Variants in SEMA3A observed in about 807,000 individuals in gnomAD.
SEMA3A encodes semaphorin 3A.
Under a neutral mutation model 97.9 loss-of-function variants are expected in SEMA3A, and 29 were observed. The ratio of observed to expected loss-of-function variants is 0.30; its 90% CI spans 0.22 to 0.40. The LOEUF (loss-of-function observed/expected upper bound fraction) is 0.40, where lower values mean the gene tolerates loss of function less well. SEMA3A is among the 10% of genes least tolerant of loss of function. The probability of loss-of-function intolerance (pLI) is 1.00; values close to 1 mark genes in which losing one functional copy is unlikely to be tolerated. For missense variants in SEMA3A, 763 were observed against 951.3 expected, an observed-to-expected ratio of 0.80 and a Z score of 2.60; for synonymous variants, 321 against 323.7, an observed-to-expected ratio of 0.99 and a Z score of 0.09.
intron 3 of SEMA3A, among the ~76,000 whole-genome samples, chr7:84,225,799 G>A (rs1584144045): frequency 6.6e-6 from 1 of 152,160 alleles, no homozygotes; most frequent in South Asian, 2.1e-4. Flanking sequence ...ATTCTAGGCA[G>A]CTAGAGTGGG....
intron 4 of SEMA3A, among the ~76,000 whole-genome samples, chr7:84,086,604 A>ATATAATAT (rs1382445049): frequency 2.1e-5 from 3 of 141,474 alleles, no homozygotes; most frequent in African/African-American, 7.9e-5. Context: ...TTATATTTAT[A>ATATAATAT]ATCCTCACAA....
intron 1 of SEMA3A, among the ~76,000 whole-genome samples, chr7:84,383,346 T>C (rs938629848): frequency 2.0e-5 from 3 of 152,060 alleles, no homozygotes; most frequent in African/African-American, 7.2e-5. Context: ...AAAATGGAGG[T>C]ATGGATTATG....
intron 3 of SEMA3A, among the ~76,000 whole-genome samples, chr7:84,115,182 A>T (rs893673754): frequency 6.6e-6 from 1 of 152,110 alleles, no homozygotes; most frequent in African/African-American, 2.4e-5. Flanking sequence ...CATATTCATA[A>T]TAATTGAACT....
At chr7:84,474,631 A>G (rs996767213) in intron 1 of SEMA3A, among the ~76,000 whole-genome samples, 1 of 152,150 alleles carries the variant, frequency 6.6e-6, no homozygotes, top group Non-Finnish European at 1.5e-5. Flanking sequence ...GAGCTGAGTT[A>G]TTACTACCTG....
chr7:84,400,257 G>A (rs751719218), intron 1 of SEMA3A, among the ~76,000 whole-genome samples: 9 of 152,182 alleles, frequency 5.9e-5, no homozygotes, highest in South Asian at 4.2e-4. Flanking sequence ...CATCAAGGAC[G>A]TCCAGGAAGA....
At chr7:84,128,342 T>G (rs140485082) in intron 3 of SEMA3A, among the ~76,000 whole-genome samples, 47 of 151,224 alleles carry the variant, frequency 3.1e-4, no homozygotes, top group African/African-American at 1.1e-3. Context: ...AGGAAAAAAA[T>G]GGGAAGAAGA....
intron 1 of SEMA3A, among the ~76,000 whole-genome samples, chr7:84,180,778 G>A (rs1360131588): frequency 6.6e-6 from 1 of 152,158 alleles, no homozygotes; most frequent in Non-Finnish European, 1.5e-5. Context: ...ATTGAAGATT[G>A]AAGGTCTGTC....
Position 84,252,296 on chromosome 7 carries a change from T to C in SEMA3A, c.-83+54911A>G, listed in dbSNP as rs181042826. 2.3e-3 allele frequency among the ~76,000 whole-genome samples: 352 copies of C among 152,288 alleles called. 2 individuals carry two copies. Among genetic ancestry groups the C allele is most frequent in the Non-Finnish European group, 4.1e-3 (281 of 68,024 alleles). On this transcript the variant is annotated intron_variant, in intron 3 of 3. Coordinates refer to the SEMA3A transcript ENST00000424555. ...CATCACATAATTTAACAGTCAGTCA[T>C]GTGGAAATAGAATTGACAGTCACTT...
At chr7:84,429,221 CCTA>C (rs1804904294) in intron 1 of SEMA3A, among the ~76,000 whole-genome samples, 1 of 151,632 alleles carries the variant, frequency 6.6e-6, no homozygotes, top group African/African-American at 2.4e-5. Context: ...TTACATTTTA[CCTA>C]CTAATATATC....
At chr7:83,985,928 G>GT (rs1344605355) in intron 12 of SEMA3A, among the ~76,000 whole-genome samples, 1 of 152,210 alleles carries the variant, frequency 6.6e-6, no homozygotes, top group Non-Finnish European at 1.5e-5. Flanking sequence ...GAAGAACAAA[G>GT]TAAGGCTAAA....
intron 1 of SEMA3A, among the ~76,000 whole-genome samples, chr7:84,478,773 A>G (rs561435292): frequency 3.3e-5 from 5 of 152,156 alleles, no homozygotes; most frequent in African/African-American, 1.2e-4. Flanking sequence ...GAAAATATCA[A>G]GCAGTCTCTA....
At chr7:84,227,904 T>TGTGC (rs1799026434) in intron 3 of SEMA3A, among the ~76,000 whole-genome samples, 1 of 151,604 alleles carries the variant, frequency 6.6e-6, no homozygotes, top group Non-Finnish European at 1.5e-5. Flanking sequence ...TGTGTGTGTG[T>TGTGC]GTGCGTGCGT....
intron 1 of SEMA3A, among the ~76,000 whole-genome samples, chr7:84,424,400 AAATAT>A (rs1321493796): frequency 7.4e-6 from 1 of 134,494 alleles, no homozygotes; most frequent in African/African-American, 2.8e-5. Flanking sequence ...ATACAATATG[AAATAT>A]AATATATAAT....
chr7:84,226,655 T>G (rs1376879621), intron 3 of SEMA3A, among the ~76,000 whole-genome samples: 2 of 152,032 alleles, frequency 1.3e-5, no homozygotes, highest in African/African-American at 4.8e-5. Flanking sequence ...ATATTCCAAT[T>G]AAAAGCCAAA....
chr7:84,388,375 T>G (rs1803454501), intron 1 of SEMA3A, among the ~76,000 whole-genome samples: 1 of 152,086 alleles, frequency 6.6e-6, no homozygotes, highest in Admixed American at 6.6e-5. Context: ...ACTCAAAGAA[T>G]TATAGGTTAA....
At chr7:84,049,337 C>T (rs755224263) in intron 5 of SEMA3A, among the ~76,000 whole-genome samples, 1 of 151,990 alleles carries the variant, frequency 6.6e-6, no homozygotes, top group Non-Finnish European at 1.5e-5. Context: ...TTGCACTGGG[C>T]CTTAGATCAG....
intron 3 of SEMA3A, among the ~76,000 whole-genome samples, chr7:84,219,522 T>C (rs928740599): frequency 8.5e-5 from 13 of 152,176 alleles, no homozygotes; most frequent in African/African-American, 2.9e-4. Context: ...AAAGTGAATA[T>C]CACAATAAAG....
intron 1 of SEMA3A, among the ~76,000 whole-genome samples, chr7:84,428,387 AAAGT>A (rs1804882299): frequency 1.3e-5 from 2 of 152,100 alleles, no homozygotes; most frequent in Non-Finnish European, 2.9e-5. Context: ...TATCGCTAAT[AAAGT>A]AATATTTCAT....
In SEMA3A at chr7:84,438,197, T is replaced by C. The variant is rs906218357; in HGVS notation, c.-246+54263A>G. Among the ~76,000 whole-genome samples the C allele has an allele frequency of 3.1e-4, 47 of 152,088 alleles. 1 individual carries two copies. Among genetic ancestry groups the C allele is most frequent in the African/African-American group, 1.1e-3 (46 of 41,438 alleles). On this transcript the variant is annotated intron_variant, in intron 1 of 3. Coordinates refer to the SEMA3A transcript ENST00000424555. ...CTGTCTGTCTACTATTGGCACAAAA[T>C]AGAAAGACCAGAATGACTTGGATAC...
Sources: gnomAD v4.1 joint callset for allele counts (sites outside exome capture counted in the v4.1 genomes callset) on GRCh38, gnomAD v4.1.1 for gene constraint, MANE v1.5 for transcripts, NCBI Gene and HGNC (gene_info 2026-07-23, HGNC 2026-07-21) for gene names.